The following ROBO2 variants were observed in gnomAD, a reference collection of about 807,000 sequenced individuals.
ROBO2 encodes roundabout homolog 2.
Under a neutral mutation model 160.8 loss-of-function variants are expected in ROBO2, and 53 were observed. The observed-to-expected ratio is 0.33, with a 90% CI of 0.26 to 0.41. ROBO2 has a LOEUF of 0.41. ROBO2 is among the 10% of genes least tolerant of loss of function. ROBO2 has a pLI of 1.00. For missense variants in ROBO2, 1,577 were observed against 1,722.4 expected (o/e 0.92, Z 1.49); for synonymous variants, 664 against 611.7 (o/e 1.09, Z -1.26).
intron 2 of ROBO2, among the ~76,000 whole-genome samples, chr3:77,254,586 G>C (rs1160465982): frequency 6.6e-6 from 1 of 152,076 alleles, no homozygotes; most frequent in South Asian, 2.1e-4. Context: ...GGAACTATTA[G>C]AGAGGTGGAG....
At chr3:77,400,460 C>T (rs2075690634) in intron 2 of ROBO2, among the ~76,000 whole-genome samples, 1 of 152,230 alleles carries the variant, frequency 6.6e-6, no homozygotes, top group Middle Eastern at 3.4e-3. Context: ...GTAAATCAGA[C>T]ATTGGAACAC....
chr3:76,139,079 A>T (rs1577017042), intron 2 of ROBO2, among the ~76,000 whole-genome samples: 1 of 152,292 alleles, frequency 6.6e-6, no homozygotes, highest in East Asian at 1.9e-4. Context: ...TAAATGTAGC[A>T]CAAAACACTA....
chr3:76,932,693 T>A (rs2077425968), intron 2 of ROBO2, among the ~76,000 whole-genome samples: 1 of 152,080 alleles, frequency 6.6e-6, no homozygotes, highest in Non-Finnish European at 1.5e-5. Context: ...TACACAAAAA[T>A]CTCTAAATTT....
chr3:76,134,421 G>A (rs773176912), intron 2 of ROBO2, among the ~76,000 whole-genome samples: 73 of 151,974 alleles, frequency 4.8e-4, no homozygotes, highest in Non-Finnish European at 8.7e-4. Context: ...CAACACCCCC[G>A]TGATTATGTT....
intron 2 of ROBO2, among the ~76,000 whole-genome samples, chr3:76,851,721 G>A (rs2069387635): frequency 8.9e-6 from 1 of 112,388 alleles, no homozygotes; most frequent in Non-Finnish European, 1.6e-5. Context: ...CGAGGTGGGC[G>A]ACAGAGCGAG....
chr3:76,146,291 C>G (rs571744158), intron 2 of ROBO2, among the ~76,000 whole-genome samples: 67 of 151,976 alleles, frequency 4.4e-4, no homozygotes, highest in Non-Finnish European at 7.1e-4. Context: ...TTTAGGGACT[C>G]ACAATTTCCA....
At chr3:77,069,169 AC>A (rs928500198) in intron 1 of ROBO2, among the ~76,000 whole-genome samples, 11 of 152,142 alleles carry the variant, frequency 7.2e-5, no homozygotes, top group Non-Finnish European at 1.6e-4. Flanking sequence ...TAAGGGCACT[AC>A]GTGTGCTTAA....
chr3:76,223,035 A>G (rs1704069471), intron 2 of ROBO2, among the ~76,000 whole-genome samples: 1 of 151,802 alleles, frequency 6.6e-6, no homozygotes, highest in East Asian at 2.0e-4. Flanking sequence ...TATTTCAGGC[A>G]TGCGCCACCG....
intron 2 of ROBO2, among the ~76,000 whole-genome samples, chr3:75,952,499 C>A (rs1948580541): frequency 6.6e-6 from 1 of 152,028 alleles, no homozygotes; most frequent in South Asian, 2.1e-4. Context: ...TTTTTAAAAG[C>A]AATTTTAGGT....
chr3:76,618,620 G>A (rs2088790684), intron 2 of ROBO2, among the ~76,000 whole-genome samples: 1 of 151,492 alleles, frequency 6.6e-6, no homozygotes, highest in African/African-American at 2.4e-5. Flanking sequence ...TCCAATGGGG[G>A]AAAAATAGTG....
intron 2 of ROBO2, among the ~76,000 whole-genome samples, chr3:76,817,378 G>A (rs2065765512): frequency 6.6e-6 from 1 of 151,950 alleles, no homozygotes; most frequent in South Asian, 2.1e-4. Flanking sequence ...TGTTTCTCAG[G>A]GCATCATTGG....
rs984869461 is a variant in ROBO2, at chr3:77,263,680, T to A, written c.388+165340T>A. ...GATGGGCATTTATGTGGATTCCATG[T>A]CTTTGCTGTTGTGAATTGAGTTGCA... On this transcript the variant is annotated intron_variant, in intron 2 of 25. Transcript: ENST00000461745. Among the ~76,000 whole-genome samples, 168 of 152,230 alleles carry A rather than the reference T, an allele frequency of 1.1e-3. 1 individual carries two copies. The highest frequency in any genetic ancestry group is 3.9e-3 in the African/African-American group (160 of 41,466).
chr3:75,951,983 A>G lies in ROBO2; in HGVS notation c.109+14381A>G, dbSNP rs1333829604. 7.2e-5 allele frequency among the ~76,000 whole-genome samples: 11 copies of G among 152,034 alleles called. No individual in the cohort carries two copies. The East Asian group carries it at 2.1e-3, about 29-fold the overall frequency. On this transcript the variant is annotated intron_variant, in intron 2 of 26. Transcript: ENST00000487694. ...CTAATATTAAGCTGAAGTGCAAGATATATGGAAAAGAGAAAAAAGAAGCAG... is the reference window on the plus strand; with the variant it reads ...CTAATATTAAGCTGAAGTGCAAGATGTATGGAAAAGAGAAAAAAGAAGCAG...
intron 2 of ROBO2, among the ~76,000 whole-genome samples, chr3:76,188,579 T>G (rs1450490357): frequency 1.3e-5 from 2 of 152,102 alleles, no homozygotes; most frequent in African/African-American, 2.4e-5. Flanking sequence ...AAATTTCTGT[T>G]GTTTTAAGCC....
intron 2 of ROBO2, among the ~76,000 whole-genome samples, chr3:76,248,908 G>A (rs1576089038): frequency 6.6e-6 from 1 of 152,002 alleles, no homozygotes; most frequent in Non-Finnish European, 1.5e-5. Flanking sequence ...AGTCTGTGCT[G>A]TTTACGCTGG....
At chr3:76,394,618 G>C (rs1007215551) in intron 2 of ROBO2, among the ~76,000 whole-genome samples, 14 of 152,136 alleles carry the variant, frequency 9.2e-5, no homozygotes, top group Admixed American at 1.3e-4. Flanking sequence ...CTCTTCTCGA[G>C]GAGTATCTTT....
intron 2 of ROBO2, among the ~76,000 whole-genome samples, chr3:77,334,834 C>T (rs969646263): frequency 2.0e-5 from 3 of 152,126 alleles, no homozygotes; most frequent in Non-Finnish European, 1.5e-5. Context: ...GACCTGAAAA[C>T]TCTGCACAGT....
chr3:75,962,887 C>T (rs781244979), intron 2 of ROBO2, among the ~76,000 whole-genome samples: 7 of 151,582 alleles, frequency 4.6e-5, no homozygotes, highest in South Asian at 2.1e-4. Flanking sequence ...TTGTTGTTGC[C>T]GTTTGTTTGT....
At chr3:75,948,122 T>A (rs1948389347) in intron 2 of ROBO2, among the ~76,000 whole-genome samples, 1 of 152,066 alleles carries the variant, frequency 6.6e-6, no homozygotes, top group Admixed American at 6.6e-5. Context: ...TACAAAATCC[T>A]TATTGGAATG....
Sources: allele counts gnomAD v4.1 joint callset (sites outside exome capture counted in the v4.1 genomes callset), GRCh38; gene constraint gnomAD v4.1.1; transcripts MANE v1.5; gene names NCBI Gene and HGNC (gene_info 2026-07-23, HGNC 2026-07-21).